Variants in ITSN2 observed in about 807,000 individuals in gnomAD.
ITSN2 encodes the protein intersectin-2.
In ITSN2, 156 loss-of-function variants were observed where a neutral mutation model predicts 243.7. The ratio of observed to expected loss-of-function variants is 0.64; its 90% CI spans 0.56 to 0.73. ITSN2 has a LOEUF of 0.73. Among genes scored for constraint, ITSN2 ranks in the 30% least tolerant of loss-of-function variants. The probability of loss-of-function intolerance (pLI) is 0.00; values close to 1 mark genes in which losing one functional copy is unlikely to be tolerated. For synonymous variants in ITSN2, 703 were observed against 699.9 expected (o/e 1.00, Z -0.07); for missense variants, 1,801 against 1,996.1 (o/e 0.90, Z 1.86).
chr2:24,334,026 A>T (rs1008018535), intron 1 of ITSN2, among the ~76,000 whole-genome samples: 1 of 151,612 alleles, frequency 6.6e-6, no homozygotes, highest in African/African-American at 2.4e-5. Flanking sequence ...AGTAGCGGGG[A>T]CTACAAGCGC....
At chr2:24,231,758 G>A (rs368425266) in intron 29 of ITSN2, among the ~76,000 whole-genome samples, 4 of 152,220 alleles carry the variant, frequency 2.6e-5, no homozygotes, top group African/African-American at 9.6e-5. Flanking sequence ...CGAACACAGA[G>A]AGTGCTTGTT....
intron 3 of ITSN2, among the ~76,000 whole-genome samples, 161 bp downstream of exon 3, chr2:24,314,971 C>T (rs993193258): frequency 6.6e-6 from 1 of 152,024 alleles, no homozygotes; most frequent in African/African-American, 2.4e-5. Context: ...TAAGACAGTT[C>T]CAGGAAAAAT....
intron 1 of ITSN2, among the ~76,000 whole-genome samples, chr2:24,359,987 G>C (rs935601956): frequency 1.3e-5 from 2 of 151,830 alleles, no homozygotes; most frequent in Non-Finnish European, 2.9e-5. Flanking sequence ...ACCCTCGCCG[G>C]CGTCCGCCAC....
chr2:24,337,315 A>AATATATATATATATACATATACATAT (rs70944741), intron 1 of ITSN2, among the ~76,000 whole-genome samples: 1 of 32,026 alleles, frequency 3.1e-5, no homozygotes, highest in Non-Finnish European at 5.7e-5. Context: ...GTATACACAA[A>AATATATATATATATACATATACATAT]ATATATATAT....
chr2:24,269,097 G>T (rs1203086802), intron 20 of ITSN2, among the ~76,000 whole-genome samples: 2 of 149,840 alleles, frequency 1.3e-5, no homozygotes, highest in African/African-American at 2.5e-5. Context: ...TCCTTTTAAG[G>T]CTCCACTTCC....
chr2:24,213,504 T>C (rs557872579), intron 32 of ITSN2, among the ~76,000 whole-genome samples: 1 of 152,212 alleles, frequency 6.6e-6, no homozygotes, highest in East Asian at 1.9e-4. Flanking sequence ...CCTTTTGTTT[T>C]GGCCGTATCT....
intron 23 of ITSN2, 29 bp from the exon 24 acceptor site, chr2:24,254,460 C>G: frequency 1.9e-6 from 3 of 1,559,184 alleles, no homozygotes; most frequent in Non-Finnish European, 2.6e-6. Context: ...AACAAACAAA[C>G]AAACAAACAA....
At chr2:24,265,589 T>A (rs775226803) in intron 20 of ITSN2, among the ~76,000 whole-genome samples, 3 of 152,220 alleles carry the variant, frequency 2.0e-5, no homozygotes, top group Non-Finnish European at 4.4e-5. Flanking sequence ...TACTCTATGG[T>A]AAGCCACTTT....
intron 17 of ITSN2, among the ~76,000 whole-genome samples, chr2:24,281,202 G>C (rs1421746060): frequency 6.6e-6 from 1 of 152,098 alleles, no homozygotes; most frequent in Admixed American, 6.6e-5. Flanking sequence ...CTAATTTTTT[G>C]TATTTTTAGT....
At chr2:24,279,781 G>A (rs2151512446) in intron 17 of ITSN2, among the ~76,000 whole-genome samples, 2 of 134,904 alleles carry the variant, frequency 1.5e-5, no homozygotes, top group African/African-American at 5.8e-5. Context: ...TGCTCAGGCT[G>A]GAGTGCAGTG....
intron 20 of ITSN2, among the ~76,000 whole-genome samples, chr2:24,268,263 T>C (rs1231432377): frequency 6.6e-6 from 1 of 152,220 alleles, no homozygotes; most frequent in Non-Finnish European, 1.5e-5. Context: ...ATCCATTAAG[T>C]TGATCAGACC....
In ITSN2 at chr2:24,284,768, GT is replaced by G; in HGVS notation, c.1938del (p.Leu646PhefsTer5). The G allele has an allele frequency of 6.3e-7, 1 of 1,577,814 alleles. No homozygotes were observed. Among genetic ancestry groups the G allele is most frequent in the Non-Finnish European group, 8.7e-7 (1 of 1,148,686 alleles). On this transcript the variant is annotated frameshift_variant, in exon 17 of 40. Transcript: ENST00000355123. LOFTEE classifies it high-confidence loss of function. ...LLSCLNNLFL[L>X]LKELRETYNT... ...GCTAGATATTAGAAAATAACCTTAA[GT>G]AAGAGGAAGAGGTTGTTGAGACAGC...
chr2:24,301,460 A>G (rs1161547502), intron 10 of ITSN2, among the ~76,000 whole-genome samples: 3 of 152,162 alleles, frequency 2.0e-5, no homozygotes, highest in Admixed American at 6.5e-5. Context: ...GTTCTTGGGC[A>G]AGTTTTTCTT....
intron 1 of ITSN2, among the ~76,000 whole-genome samples, chr2:24,335,678 C>A (rs1686282466): frequency 1.6e-5 from 1 of 61,170 alleles, no homozygotes; most frequent in Non-Finnish European, 4.4e-5. Context: ...CTCACTCTAT[C>A]CCCCAGGCTG....
At chr2:24,316,159 GTAA>G (rs1474271283) in intron 2 of ITSN2, among the ~76,000 whole-genome samples, 4 of 152,294 alleles carry the variant, frequency 2.6e-5, no homozygotes, top group Admixed American at 6.5e-5. Flanking sequence ...ACTAGAGTTA[GTAA>G]TAATAAACAG....
At position 24,210,832 on chromosome 2, in the gene ITSN2, G is replaced by A. The variant is rs574855488; in HGVS notation, c.4205C>T (p.Ser1402Leu). The stretch of plus-strand genomic sequence containing the variant: ...CGCCTGGATCCACTCCAGTCGGTCC[G>A]AGTTTTCCTTCTCCCGAACTCCCTC... ...VNEGVREKEN[S>L]DRLEWIQAHV... The change falls in exon 34 of 40, where the codon TCG (serine) becomes TTG (leucine). Residue 1402 changes from serine (S) to leucine (L), a missense_variant. Coordinates refer to ENST00000355123, the MANE Select transcript of ITSN2 (RefSeq NM_006277.3). 3.5e-5 allele frequency: 56 copies of A among 1,613,948 alleles called. No homozygotes were observed. The highest frequency in any genetic ancestry group is 1.6e-4 in the Middle Eastern group (1 of 6,084).
chr2:24,204,414 C>CT lies in ITSN2; in HGVS notation c.4766dup (p.Ser1590GlufsTer6). 1.2e-6 allele frequency: 2 copies of CT among 1,614,110 alleles called. No homozygotes were observed. Among genetic ancestry groups the CT allele is most frequent in the Non-Finnish European group, 1.7e-6 (2 of 1,180,012 alleles). On this transcript the variant is annotated frameshift_variant, in exon 39 of 40. Transcript: ENST00000355123. LOFTEE classifies it high-confidence loss of function. The surrounding 1 kb of genome is among the most constrained non-coding windows in gnomAD (Gnocchi z 5.1). ...TGCTGATTTCACAGTATGGGTTGCT[C>CT]TTTCCTGAACAAAAACAAACCACAG...
chr2:24,312,279 C>T lies in ITSN2; in HGVS notation c.285G>A (p.Leu95=). 6.2e-7 allele frequency: 1 copy of T among 1,613,700 alleles called. No individual in the cohort carries two copies. Among genetic ancestry groups the T allele is most frequent in the South Asian group, 1.1e-5 (1 of 91,004 alleles). Residue 95 remains leucine (L), a synonymous_variant, in exon 5 of 40, where the codon TTG becomes TTA. Transcript: ENST00000355123. ...LIKLKLQGQQ[L]PVVLPPIMKQ... is the part of the protein sequence containing the mutation. ...TCATAATAGGAGGGAGAACCACAGGCAACTGTTGGCCTTGAAGCTTCAGTT... is the reference window on the plus strand; with the variant it reads ...TCATAATAGGAGGGAGAACCACAGGTAACTGTTGGCCTTGAAGCTTCAGTT...
chr2:24,287,360 C>A (rs1679641276), intron 15 of ITSN2, among the ~76,000 whole-genome samples: 1 of 152,102 alleles, frequency 6.6e-6, no homozygotes, highest in Non-Finnish European at 1.5e-5. Flanking sequence ...AACATCTACC[C>A]ATTTTCCCCT....
Sources: allele counts gnomAD v4.1 joint callset (sites outside exome capture counted in the v4.1 genomes callset), GRCh38; gene constraint gnomAD v4.1.1; non-coding constraint Gnocchi (gnomAD v3.1); transcripts MANE v1.5; gene names NCBI Gene and HGNC (gene_info 2026-07-23, HGNC 2026-07-21).